CUEDC2: variants seen among roughly 807,000 people sequenced by gnomAD.
CUEDC2 encodes the protein CUE domain-containing protein 2.
A neutral mutation model predicts 36.0 loss-of-function variants in CUEDC2; 10 were observed. The ratio of observed to expected loss-of-function variants is 0.28; its 90% confidence interval spans 0.17 to 0.47. CUEDC2 has a LOEUF of 0.47. CUEDC2 is among the 20% of genes least tolerant of loss of function. The pLI is 0.99. For missense variants in CUEDC2, 269 were observed against 368.1 expected (o/e 0.73, Z 2.20); for synonymous variants, 133 against 141.8 (o/e 0.94, Z 0.44).
At chr10:102,432,161 C>G (rs1238989202) in intron 1 of CUEDC2, among the ~76,000 whole-genome samples, 1 of 152,136 alleles carries the variant, frequency 6.6e-6, no homozygotes, top group Non-Finnish European at 1.5e-5. Context: ...TTGAGGGGAA[C>G]AAGGGATCCC....
intron 1 of CUEDC2, among the ~76,000 whole-genome samples, chr10:102,430,334 T>C (rs906969524): frequency 1.3e-5 from 2 of 149,852 alleles, no homozygotes; most frequent in African/African-American, 4.9e-5. Context: ...CATGCTCGGC[T>C]AATTTTGTAT....
intron 2 of CUEDC2, 76 bp downstream of exon 2, chr10:102,425,039 C>G: frequency 7.8e-7 from 1 of 1,285,824 alleles, no homozygotes; most frequent in Non-Finnish European, 1.1e-6. Context: ...GTCTTTCCAT[C>G]AGCCAGTACC....
intron 1 of CUEDC2, among the ~76,000 whole-genome samples, chr10:102,430,589 G>C (rs943682624): frequency 6.6e-6 from 1 of 152,194 alleles, no homozygotes; most frequent in Non-Finnish European, 1.5e-5. Context: ...CAAATAAAAA[G>C]ACTTGCTCCC....
intron 1 of CUEDC2, among the ~76,000 whole-genome samples, chr10:102,429,126 G>A (rs1200278532): frequency 2.6e-5 from 4 of 152,056 alleles, no homozygotes; most frequent in Non-Finnish European, 5.9e-5. Flanking sequence ...TTTGGGCCCT[G>A]CCATATTACA....
At chr10:102,430,090 T>C (rs1424952202) in intron 1 of CUEDC2, among the ~76,000 whole-genome samples, 1 of 148,318 alleles carries the variant, frequency 6.7e-6, no homozygotes, top group Non-Finnish European at 1.5e-5. Context: ...ATGAGCCACC[T>C]GTGTGGTGGT....
chr10:102,431,965 G>A (rs2061618090), intron 1 of CUEDC2, among the ~76,000 whole-genome samples: 1 of 152,142 alleles, frequency 6.6e-6, no homozygotes, highest in Non-Finnish European at 1.5e-5. Flanking sequence ...AATCCTGGGA[G>A]CTAGTGTGAA....
At chr10:102,432,216 A>AG (rs1353240874) in intron 1 of CUEDC2, among the ~76,000 whole-genome samples, 1 of 152,208 alleles carries the variant, frequency 6.6e-6, no homozygotes. Context: ...GGGCGAGCAC[A>AG]GGAAGTGGGA....
chr10:102,430,219 A>G (rs2061612126), intron 1 of CUEDC2, among the ~76,000 whole-genome samples: 1 of 147,252 alleles, frequency 6.8e-6, no homozygotes, highest in Non-Finnish European at 1.5e-5. Flanking sequence ...CCCAGGCTAG[A>G]GTGCAATGGC....
rs760646761 is a variant in CUEDC2, at chr10:102,424,157, GCTC to G, written c.430_432del (p.Glu144del). 8.1e-6 allele frequency: 13 copies of G among 1,613,984 alleles called. No homozygotes were observed. In the African/African-American group the frequency reaches 1.3e-4, roughly 17 times the overall value. On this transcript the variant is annotated inframe_deletion, in exon 6 of 9. Coordinates refer to ENST00000369937, the MANE Select transcript of CUEDC2 (RefSeq NM_024040.3). This position sits in a 1 kb window ranked among gnomAD's most constrained non-coding sequence, Gnocchi z 4.2. ...AGGAGTACATCCACCCCTGGCAGAA[GCTC>G]CTCCTCAGCGCCAGTTGCCTAAGGG...
intron 1 of CUEDC2, among the ~76,000 whole-genome samples, chr10:102,426,189 T>C (rs1443121986): frequency 1.3e-5 from 2 of 152,232 alleles, no homozygotes; most frequent in East Asian, 3.9e-4. Context: ...CCTAGAAAAA[T>C]GCCCATACTG....
At chr10:102,430,229 C>A (rs1019209421) in intron 1 of CUEDC2, among the ~76,000 whole-genome samples, 1 of 149,864 alleles carries the variant, frequency 6.7e-6, no homozygotes, top group East Asian at 2.0e-4. Context: ...AGTGCAATGG[C>A]GCGATCTTGG....
intron 1 of CUEDC2, among the ~76,000 whole-genome samples, chr10:102,427,787 A>G (rs886515169): frequency 2.6e-5 from 4 of 151,920 alleles, no homozygotes; most frequent in Non-Finnish European, 4.4e-5. Context: ...AAATCTATCA[A>G]TGCCTTCCTG....
chr10:102,430,411 T>C (rs1398106945), intron 1 of CUEDC2, among the ~76,000 whole-genome samples: 2 of 152,122 alleles, frequency 1.3e-5, no homozygotes, highest in Non-Finnish European at 2.9e-5. Context: ...TCAGGTGATC[T>C]GCCCGCCTAG....
chr10:102,423,322 G>A lies in CUEDC2; in HGVS notation c.*104C>T. 1.4e-6 allele frequency: 2 copies of A among 1,381,368 alleles called. No homozygotes were observed. Among genetic ancestry groups the A allele is most frequent in the Non-Finnish European group, 2.0e-6 (2 of 982,522 alleles). 85.6% of individuals were successfully genotyped at this position (1,381,368 alleles called of 1,614,324 possible). A position where few individuals can be genotyped will look rare whatever the true frequency, so the allele number is the denominator to read the frequency against. ...GTTAACACTATGGAGCAAAGGAGTA[G>A]AGAAGGGGGACAGGAGTTAGGGGGC... On this transcript the variant is annotated 3_prime_UTR_variant, in exon 9 of 9. Transcript: ENST00000369937. The surrounding 1 kb of genome is among the most constrained non-coding windows in gnomAD (Gnocchi z 5.6).
intron 1 of CUEDC2, among the ~76,000 whole-genome samples, chr10:102,429,821 C>CT (rs55659266): frequency 6.0e-5 from 8 of 133,086 alleles, no homozygotes; most frequent in East Asian, 2.1e-4. Context: ...CAGTTTCTTT[C>CT]TTTTTTTTTT....
intron 1 of CUEDC2, among the ~76,000 whole-genome samples, chr10:102,426,740 T>C (rs1352984320): frequency 6.6e-6 from 1 of 152,122 alleles, no homozygotes; most frequent in East Asian, 1.9e-4. Context: ...CAAGCCATCC[T>C]CCTGCCTTAG....
chr10:102,427,541 G>T (rs1406313777), intron 1 of CUEDC2, among the ~76,000 whole-genome samples: 1 of 152,052 alleles, frequency 6.6e-6, no homozygotes, highest in Admixed American at 6.6e-5. Flanking sequence ...CCACAAATCT[G>T]GGAAATATCC....
intron 2 of CUEDC2, 46 bp downstream of exon 2, chr10:102,425,060 CCCGGCAGCT>C: frequency 6.8e-7 from 1 of 1,466,266 alleles, no homozygotes; most frequent in South Asian, 1.1e-5. Context: ...CATAGTACTG[CCCGGCAGCT>C]CCAGCTCCAG....
In CUEDC2 at chr10:102,432,545, C is replaced by G. The variant is rs554940634; in HGVS notation, c.-30G>C. On this transcript the variant is annotated 5_prime_UTR_variant, in exon 1 of 9. Coordinates refer to ENST00000369937, the MANE Select transcript of CUEDC2 (RefSeq NM_024040.3). Reference sequence around the variant, plus strand: ...AATCACCTGCTCCGTCGGGCGCCGCCGGCGACTTGTCCCGCGCGGTGCAGC... The same window carrying G: ...AATCACCTGCTCCGTCGGGCGCCGCGGGCGACTTGTCCCGCGCGGTGCAGC... 1 of 152,378 alleles carries G rather than the reference C, an allele frequency of 6.6e-6. No individual in the cohort carries two copies. Among genetic ancestry groups the G allele is most frequent in the African/African-American group, 2.4e-5 (1 of 41,474 alleles). 9.4% of individuals were successfully genotyped at this position (152,378 alleles called of 1,614,324 possible).
Sources: allele counts gnomAD v4.1 joint callset (sites outside exome capture counted in the v4.1 genomes callset), GRCh38; gene constraint gnomAD v4.1.1; non-coding constraint Gnocchi (gnomAD v3.1); transcripts MANE v1.5; gene names NCBI Gene and HGNC (gene_info 2026-07-23, HGNC 2026-07-21).